Variants in CCDC85A observed in about 807,000 individuals in gnomAD.
CCDC85A encodes coiled-coil domain containing 85A.
CCDC85A carries 38 observed loss-of-function variants against 50.2 expected under a neutral mutation model. That is an observed-to-expected ratio of 0.76 (90% confidence interval 0.58 to 0.99). The LOEUF is 0.99. Ranked by LOEUF, CCDC85A falls within the 50% of genes least tolerant of loss-of-function variation. CCDC85A has a pLI of 0.00. For missense variants in CCDC85A, 820 were observed against 742.0 expected, an observed-to-expected ratio of 1.11 and a Z score of -1.22; for synonymous variants, 366 against 301.4, an observed-to-expected ratio of 1.21 and a Z score of -2.22.
rs1676574516 is a variant in CCDC85A at position 56,381,307 on chromosome 2, T to C, written c.1573-2959T>C. Among the ~76,000 whole-genome samples the C allele has an allele frequency of 1.3e-5, 2 of 152,144 alleles. 1 individual carries two copies. The highest frequency in any genetic ancestry group is 2.9e-5 in the Non-Finnish European group (2 of 68,028). ...TTTCCCTCAGATAAATTTTAAAAAG[T>C]GAGCCACATACCTAGGAATGCCTGT... On this transcript the variant is annotated intron_variant, in intron 5 of 5. Coordinates refer to ENST00000407595, the MANE Select transcript of CCDC85A (RefSeq NM_001080433.2).
At chr2:56,348,359 A>G (rs747857990) in intron 3 of CCDC85A, among the ~76,000 whole-genome samples, 4 of 152,308 alleles carry the variant, frequency 2.6e-5, no homozygotes, top group Admixed American at 6.5e-5. Context: ...ATACCTGCAC[A>G]TGGGCTGTGG....
At position 56,193,581 on chromosome 2, in the gene CCDC85A, CAAAATCATGATATGGGG is replaced by C. The variant is rs536219798; in HGVS notation, c.1240+142_1240+158del. 1.3e-4 allele frequency: 116 copies of C among 877,092 alleles called. No individual in the cohort carries two copies. In the East Asian group the frequency reaches 3.1e-3, roughly 23 times the overall value. The allele number at this position is 877,092 out of a possible 1,614,324, so 54.3% of individuals were successfully genotyped here. The stretch of plus-strand genomic sequence containing the variant: ...TTGGGGAAGGAGCAAATGTTGGACC[CAAAATCATGATATGGGG>C]TTCTTCTCCTCCATCTGTTTTTATT... On this transcript the variant is annotated intron_variant, in intron 2 of 5. Transcript: ENST00000407595.
chr2:56,345,524 A>G (rs1470561235), intron 3 of CCDC85A, among the ~76,000 whole-genome samples: 1 of 152,228 alleles, frequency 6.6e-6, no homozygotes, highest in Non-Finnish European at 1.5e-5. Context: ...GATTTCTGTT[A>G]AATTTCTATA....
At chr2:56,222,295 T>C (rs1473783342) in intron 2 of CCDC85A, among the ~76,000 whole-genome samples, 2 of 152,128 alleles carry the variant, frequency 1.3e-5, no homozygotes, top group African/African-American at 2.4e-5. Context: ...TGATTCCCAA[T>C]TTAAAAATTT....
At chr2:56,315,539 G>A (rs1200117632) in intron 2 of CCDC85A, among the ~76,000 whole-genome samples, 1 of 152,132 alleles carries the variant, frequency 6.6e-6, no homozygotes, top group Non-Finnish European at 1.5e-5. Flanking sequence ...AGTAATGCAT[G>A]TAACTGAGTA....
At chr2:56,225,818 C>G (rs550283162) in intron 2 of CCDC85A, among the ~76,000 whole-genome samples, 47 of 152,152 alleles carry the variant, frequency 3.1e-4, no homozygotes, top group Non-Finnish European at 5.6e-4. Context: ...TATTTTCTCT[C>G]CTTGATCCTG....
intron 2 of CCDC85A, among the ~76,000 whole-genome samples, chr2:56,245,928 T>G (rs541875377): frequency 6.6e-6 from 1 of 152,226 alleles, no homozygotes; most frequent in Non-Finnish European, 1.5e-5. Context: ...ATTTTTATTC[T>G]GTATAAATTA....
At chr2:56,239,143 G>A (rs939680540) in intron 2 of CCDC85A, among the ~76,000 whole-genome samples, 2 of 152,086 alleles carry the variant, frequency 1.3e-5, no homozygotes, top group Admixed American at 1.3e-4. Context: ...GGTTCCCTAA[G>A]CAGACATTTC....
intron 2 of CCDC85A, among the ~76,000 whole-genome samples, chr2:56,245,104 G>A (rs2103975769): frequency 6.6e-6 from 1 of 152,314 alleles, no homozygotes; most frequent in African/African-American, 2.4e-5. Context: ...TGCCCCACAA[G>A]TCCACTGGCT....
Position 56,329,355 on chromosome 2 carries a change from A to T in CCDC85A, c.1241-13524A>T, listed in dbSNP as rs186743402. On this transcript the variant is annotated intron_variant, in intron 2 of 5. Transcript: ENST00000407595. ...GCTTATTTATGTACCTGTTTTCCCT[A>T]CTAGAATGTTCCTGGAGAGGAGGAG... Among the ~76,000 whole-genome samples the T allele has an allele frequency of 3.3e-5, 5 of 152,266 alleles. No individual in the cohort carries two copies. The East Asian group carries it at 7.7e-4, about 24-fold the overall frequency.
intron 5 of CCDC85A, among the ~76,000 whole-genome samples, chr2:56,378,449 G>A (rs973537298): frequency 6.6e-6 from 1 of 152,108 alleles, no homozygotes; most frequent in Non-Finnish European, 1.5e-5. Flanking sequence ...CTTCTCTGAG[G>A]TGCATTACAA....
intron 2 of CCDC85A, among the ~76,000 whole-genome samples, chr2:56,288,782 G>A (rs892868695): frequency 4.6e-5 from 7 of 151,678 alleles, no homozygotes; most frequent in African/African-American, 1.7e-4. Flanking sequence ...CCTAAGACCA[G>A]AGCACCAAAA....
At chr2:56,223,122 C>A (rs1007691116) in intron 2 of CCDC85A, among the ~76,000 whole-genome samples, 1 of 152,116 alleles carries the variant, frequency 6.6e-6, no homozygotes, top group Non-Finnish European at 1.5e-5. Flanking sequence ...TGAGCAATGG[C>A]AGCATCACTG....
rs1161053845 is a variant in CCDC85A, at chr2:56,385,282, T to G, written c.*927T>G. On this transcript the variant is annotated 3_prime_UTR_variant, in exon 6 of 6. Transcript: ENST00000407595. ...GTAAACTTTAAAATATTGCACTGCA[T>G]TTATGAAAAAAGCTTTCTTTGCCTA... 1 of 152,294 alleles carries G rather than the reference T, an allele frequency of 6.6e-6. No individual in the cohort carries two copies. Among genetic ancestry groups the G allele is most frequent in the Non-Finnish European group, 1.5e-5 (1 of 67,838 alleles). 9.4% of individuals were successfully genotyped at this position (152,294 alleles called of 1,614,324 possible).
intron 2 of CCDC85A, among the ~76,000 whole-genome samples, chr2:56,288,008 C>G (rs1671523556): frequency 6.6e-6 from 1 of 152,074 alleles, no homozygotes; most frequent in African/African-American, 2.4e-5. Flanking sequence ...GGGTCTCTTT[C>G]CATCCAGTCC....
intron 2 of CCDC85A, among the ~76,000 whole-genome samples, chr2:56,210,413 G>A (rs529931596): frequency 2.0e-5 from 3 of 152,146 alleles, no homozygotes; most frequent in African/African-American, 7.2e-5. Flanking sequence ...GAGGTGTTCT[G>A]GTTTTCTATT....
intron 3 of CCDC85A, among the ~76,000 whole-genome samples, chr2:56,357,303 G>T (rs1675282808): frequency 6.6e-6 from 1 of 152,080 alleles, no homozygotes; most frequent in South Asian, 2.1e-4. Flanking sequence ...CTATGCTCAG[G>T]ATCTTAATAT....
chr2:56,284,946 T>C (rs771495854), intron 2 of CCDC85A, among the ~76,000 whole-genome samples: 3 of 152,180 alleles, frequency 2.0e-5, no homozygotes, highest in Non-Finnish European at 4.4e-5. Flanking sequence ...ATTTGCATGG[T>C]ATATATTCTT....
At chr2:56,316,161 T>G (rs1170987702) in intron 2 of CCDC85A, among the ~76,000 whole-genome samples, 1 of 152,088 alleles carries the variant, frequency 6.6e-6, no homozygotes, top group African/African-American at 2.4e-5. Context: ...GATTATACAT[T>G]TCAAATACAG....
Sources: gnomAD v4.1 joint callset for allele counts (sites outside exome capture counted in the v4.1 genomes callset) on GRCh38, gnomAD v4.1.1 for gene constraint, MANE v1.5 for transcripts, NCBI Gene and HGNC (gene_info 2026-07-23, HGNC 2026-07-21) for gene names.